NKAIN3: variants seen among roughly 807,000 people sequenced by gnomAD.
NKAIN3 encodes sodium/potassium-transporting ATPase subunit beta-1-interacting protein 3.
In NKAIN3, 25 loss-of-function variants were observed where a neutral mutation model predicts 30.2. The ratio of observed to expected loss-of-function variants is 0.83; its 90% CI spans 0.60 to 1.16. The LOEUF (loss-of-function observed/expected upper bound fraction) is 1.16, where lower values mean the gene tolerates loss of function less well. Among genes scored for constraint, NKAIN3 ranks in the 50% most tolerant of loss-of-function variants. NKAIN3 has a pLI of 0.00. For missense variants in NKAIN3, 225 were observed against 254.1 expected, an observed-to-expected ratio of 0.89 and a Z score of 0.78; for synonymous variants, 91 against 89.6, an observed-to-expected ratio of 1.02 and a Z score of -0.09.
intron 4 of NKAIN3, among the ~76,000 whole-genome samples, chr8:62,801,766 G>A (rs760804403): frequency 2.6e-4 from 39 of 152,212 alleles, no homozygotes; most frequent in Non-Finnish European, 4.8e-4. Flanking sequence ...AAAGCTGGAC[G>A]GAGAATGACT....
chr8:62,952,263 AAC>A (rs1011516432), intron 5 of NKAIN3, among the ~76,000 whole-genome samples: 1 of 152,214 alleles, frequency 6.6e-6, no homozygotes, highest in African/African-American at 2.4e-5. Flanking sequence ...GGTTAAAAAA[AAC>A]AAAAAATATT....
At chr8:62,902,298 T>G (rs1586327815) in intron 4 of NKAIN3, among the ~76,000 whole-genome samples, 2 of 151,952 alleles carry the variant, frequency 1.3e-5, no homozygotes, top group East Asian at 3.9e-4. Flanking sequence ...TCAAAATGAG[T>G]GGTAAGAACA....
intron 1 of NKAIN3, among the ~76,000 whole-genome samples, chr8:62,378,662 C>T (rs556199245): frequency 1.4e-4 from 21 of 152,304 alleles, no homozygotes; most frequent in African/African-American, 2.2e-4. Context: ...ACACCTTCCA[C>T]GTAGCGTTGG....
chr8:62,778,977 T>C (rs904905744), intron 4 of NKAIN3, among the ~76,000 whole-genome samples: 1 of 152,080 alleles, frequency 6.6e-6, no homozygotes, highest in Non-Finnish European at 1.5e-5. Context: ...AGGTTTCTTT[T>C]TGGCCCAGTG....
intron 3 of NKAIN3, among the ~76,000 whole-genome samples, chr8:62,744,122 G>A (rs1293559430): frequency 6.6e-6 from 1 of 152,082 alleles, no homozygotes; most frequent in Non-Finnish European, 1.5e-5. Flanking sequence ...GAGAAAGAAG[G>A]GCAGAAGAAG....
In NKAIN3 at chr8:62,578,380, C is replaced by T. The variant is rs370294699; in HGVS notation, c.55-1159C>T. Among the ~76,000 whole-genome samples, 96 of 152,068 alleles carry T rather than the reference C, an allele frequency of 6.3e-4. No homozygotes were observed. In the South Asian group the frequency reaches 0.017, roughly 27 times the overall value. ...CTGGCATGTCTAAAATTGTAATGAC[C>T]TCATAATTTCTGTCTGGTATTCTAA... On this transcript the variant is annotated intron_variant, in intron 1 of 6. Transcript: ENST00000623646.
At chr8:62,998,202 T>C (rs766793848) in intron 5 of NKAIN3, among the ~76,000 whole-genome samples, 17 of 152,110 alleles carry the variant, frequency 1.1e-4, no homozygotes, top group Non-Finnish European at 2.5e-4. Context: ...AGTCAGAGGG[T>C]TAAGTTGTAA....
intron 1 of NKAIN3, among the ~76,000 whole-genome samples, chr8:62,253,002 A>G (rs1293278290): frequency 6.6e-6 from 1 of 152,216 alleles, no homozygotes; most frequent in Non-Finnish European, 1.5e-5. Flanking sequence ...TTGTTCCCAC[A>G]GAGCTTTAGA....
At chr8:62,686,589 C>T (rs911263067) in intron 3 of NKAIN3, among the ~76,000 whole-genome samples, 3 of 151,966 alleles carry the variant, frequency 2.0e-5, no homozygotes, top group Non-Finnish European at 4.4e-5. Flanking sequence ...TTTTTTTAAA[C>T]ATTTAACACT....
Position 62,977,137 on chromosome 8 carries a change from T to C in NKAIN3, c.*11730T>C, listed in dbSNP as rs532088427. ...AACATTTTTTCTTTCAGTTCAACCTTGGTGAATCTGACGATTATGTGTCTT... is the reference window on the plus strand; with the variant it reads ...AACATTTTTTCTTTCAGTTCAACCTCGGTGAATCTGACGATTATGTGTCTT... On this transcript the variant is annotated 3_prime_UTR_variant, in exon 7 of 7. Coordinates refer to ENST00000623646, the MANE Select transcript of NKAIN3 (RefSeq NM_001304533.3). 7.2e-5 allele frequency among the ~76,000 whole-genome samples: 11 copies of C among 152,314 alleles called. No individual in the cohort carries two copies. The highest frequency in any genetic ancestry group is 2.6e-4 in the African/African-American group (11 of 41,574).
chr8:62,589,602 G>C, intron 2 of NKAIN3, 112 bp from the exon 3 acceptor site: 1 of 526,416 alleles, frequency 1.9e-6, no homozygotes, highest in Non-Finnish European at 3.5e-6. Context: ...CGCTCCGTCA[G>C]TTTCTTCCCA....
intron 4 of NKAIN3, among the ~76,000 whole-genome samples, chr8:62,886,720 C>T (rs1400089604): frequency 1.3e-5 from 2 of 152,098 alleles, no homozygotes; most frequent in Non-Finnish European, 2.9e-5. Flanking sequence ...GTTTGTTACA[C>T]AGGTATACCA....
At chr8:62,871,012 G>A (rs1487575812) in intron 4 of NKAIN3, among the ~76,000 whole-genome samples, 1 of 151,932 alleles carries the variant, frequency 6.6e-6, no homozygotes, top group Non-Finnish European at 1.5e-5. Context: ...TCTTATTGAG[G>A]TAACATTGAC....
intron 1 of NKAIN3, among the ~76,000 whole-genome samples, chr8:62,550,047 C>A (rs562850772): frequency 2.0e-5 from 3 of 151,474 alleles, no homozygotes; most frequent in African/African-American, 7.3e-5. Flanking sequence ...GTTATGGAGA[C>A]CAAGTTATTA....
intron 3 of NKAIN3, among the ~76,000 whole-genome samples, chr8:62,671,924 T>C (rs964918958): frequency 1.3e-5 from 2 of 152,132 alleles, no homozygotes; most frequent in African/African-American, 4.8e-5. Context: ...AGACCTAGGA[T>C]TCGGTCTGAC....
At chr8:62,571,468 G>A (rs1248151894) in intron 1 of NKAIN3, among the ~76,000 whole-genome samples, 1 of 152,138 alleles carries the variant, frequency 6.6e-6, no homozygotes, top group Non-Finnish European at 1.5e-5. Context: ...CAGGCACACA[G>A]TGCAAGCTGT....
intron 1 of NKAIN3, among the ~76,000 whole-genome samples, chr8:62,571,015 C>A (rs950740616): frequency 7.2e-5 from 11 of 152,114 alleles, no homozygotes; most frequent in Non-Finnish European, 1.5e-4. Flanking sequence ...ATAAATATTT[C>A]ATAAACATGA....
At chr8:62,767,622 G>C (rs1261514239) in intron 4 of NKAIN3, among the ~76,000 whole-genome samples, 1 of 151,572 alleles carries the variant, frequency 6.6e-6, no homozygotes, top group Non-Finnish European at 1.5e-5. Context: ...TGTCTACATA[G>C]TCTCTTAACT....
At chr8:62,696,520 T>C (rs1814159148) in intron 3 of NKAIN3, among the ~76,000 whole-genome samples, 1 of 152,206 alleles carries the variant, frequency 6.6e-6, no homozygotes, top group Non-Finnish European at 1.5e-5. Context: ...TCCTAGGAGC[T>C]AAAGGAAAGT....
Sources: gnomAD v4.1 joint callset for allele counts (sites outside exome capture counted in the v4.1 genomes callset) on GRCh38, gnomAD v4.1.1 for gene constraint, MANE v1.5 for transcripts, NCBI Gene and HGNC (gene_info 2026-07-23, HGNC 2026-07-21) for gene names.